ZNF687: variants seen among roughly 807,000 people sequenced by gnomAD.
The protein encoded by ZNF687 is zinc finger protein 687.
In ZNF687, 13 loss-of-function variants were observed where a neutral mutation model predicts 71.8. That is an observed-to-expected ratio of 0.18 (90% CI 0.12 to 0.29). The LOEUF (loss-of-function observed/expected upper bound fraction) is 0.29. Ranked by LOEUF, ZNF687 falls within the 10% of genes least tolerant of loss-of-function variation. ZNF687 has a pLI of 1.00. For missense variants in ZNF687, 1,412 were observed against 1,625.6 expected (o/e 0.87, Z 2.26); for synonymous variants, 673 against 641.6 (o/e 1.05, Z -0.74).
Position 151,288,261 on chromosome 1 carries a change from T to C in ZNF687, c.1970T>C (p.Leu657Pro). Reference sequence around the variant, plus strand: ...GCTGCTGAGGCCCCTGTCCTGCCGCTCTCCACAGAGCCGCCTGCTGCCCCG... The same window carrying C: ...GCTGCTGAGGCCCCTGTCCTGCCGCCCTCCACAGAGCCGCCTGCTGCCCCG... ...TVAAEAPVLP[L>P]STEPPAAPAT... Residue 657 changes from leucine to proline, a missense_variant, in exon 2 of 9, where the codon CTC becomes CCC. Coordinates refer to ENST00000336715, the MANE Select transcript of ZNF687 (RefSeq NM_020832.3). 1 of 1,613,494 alleles carries C rather than the reference T, an allele frequency of 6.2e-7. No homozygotes were observed. The highest frequency in any genetic ancestry group is 1.3e-5 in the African/African-American group (1 of 74,964).
At position 151,289,852 on chromosome 1, in the gene ZNF687, C is replaced by G. The variant is rs760983543; in HGVS notation, c.2809C>G (p.Pro937Ala). Residue 937 changes from proline (P) to alanine (A), a missense_variant, in exon 6 of 9, where the codon CCC becomes GCC. By Grantham distance (27) the Pro-to-Ala change is conservative. Coordinates refer to ENST00000336715, the MANE Select transcript of ZNF687 (RefSeq NM_020832.3). ...EEEEVPSSPEPPRPAKRPRRE... is the reference protein window; with the variant it reads ...EEEEVPSSPEAPRPAKRPRRE... ...GGAGGAAGTACCCAGCTCCCCTGAG[C>G]CCCCCCGTCCAGCCAAACGGCCTCG... The G allele has an allele frequency of 6.4e-7, 1 of 1,567,740 alleles. No homozygotes were observed. Among genetic ancestry groups the G allele is most frequent in the South Asian group, 1.2e-5 (1 of 85,908 alleles).
In ZNF687 at chr1:151,287,270, C is replaced by T. The variant is rs777295146; in HGVS notation, c.979C>T (p.Pro327Ser). The change falls in exon 2 of 9, where the codon CCT (proline) becomes TCT (serine). Residue 327 changes from proline (P) to serine (S), a missense_variant. By Grantham distance (74) the Pro-to-Ser change is moderately conservative. This residue lies in a region of ZNF687 where 490 missense variants were observed against 489.9 expected (regional missense o/e 1.00). Coordinates refer to ENST00000336715, the MANE Select transcript of ZNF687 (RefSeq NM_020832.3). This position sits in a 1 kb window ranked among gnomAD's most constrained non-coding sequence, Gnocchi z 5.0. The part of the protein sequence containing the change: ...NDSPASSSSR[P>S]LKVRIKTIKT... ...CTCCCCTGCCTCCAGCTCCTCTAGG[C>T]CTCTTAAGGTGCGGATCAAGACCAT... 18 of 1,614,080 alleles carry T rather than the reference C, an allele frequency of 1.1e-5. No individual in the cohort carries two copies. The highest frequency in any genetic ancestry group is 1.4e-5 in the Non-Finnish European group (17 of 1,180,058).
Position 151,291,155 on chromosome 1 carries a change from C to T in ZNF687, c.3660C>T (p.Arg1220=), listed in dbSNP as rs150008709. ...CTCTAAACCTCAAGACCCACTTCCG[C>T]ACGCATGGCATGGCGTTCATCAGGG... ...DSPLNLKTHF[R]THGMAFIRAR... The change falls in exon 9 of 9, where the codon CGC becomes CGT. Residue 1220 remains arginine, a synonymous_variant. Transcript: ENST00000336715. The T allele has an allele frequency of 8.7e-6, 14 of 1,612,956 alleles. No homozygotes were observed. Among genetic ancestry groups the T allele is most frequent in the African/African-American group, 5.3e-5 (4 of 74,910 alleles).
chr1:151,286,042 C>T (rs1283588312), intron 1 of ZNF687: 2 of 359,082 alleles, frequency 5.6e-6, no homozygotes, highest in Non-Finnish European at 1.0e-5. Context: ...CTCTCTTTTC[C>T]CCTGCTTTCT....
chr1:151,286,977 A>G lies in ZNF687; in HGVS notation c.686A>G (p.His229Arg). ...TTGAAGCAGGAGAGCTGCAGCCCCC[A>G]TCATCCCCAGGTCCTAGCCCAACAA... Reference protein sequence around the residue: ...GALKQESCSPHHPQVLAQQGS... With the variant: ...GALKQESCSPRHPQVLAQQGS... Residue 229 changes from histidine (H) to arginine (R), a missense_variant, in exon 2 of 9, where the codon CAT becomes CGT. His to Arg is a conservative substitution (Grantham distance 29). Transcript: ENST00000336715. The G allele has an allele frequency of 1.2e-6, 2 of 1,605,276 alleles. No homozygotes were observed. The highest frequency in any genetic ancestry group is 1.1e-5 in the South Asian group (1 of 90,080).
chr1:151,289,206 G>C lies in ZNF687; in HGVS notation c.2406G>C (p.Lys802Asn). The stretch of plus-strand genomic sequence containing the variant: ...GCCCCATCTGCCCCATGGCCTTCAA[G>C]TCTGGGCCAAGTGCCCATGCCCACC... ...HKCPICPMAF[K>N]SGPSAHAHLY... The change falls in exon 4 of 9, where the codon AAG (lysine) becomes AAC (asparagine). Residue 802 changes from lysine (K) to asparagine (N), a missense_variant. Physicochemically the swap from Lys to Asn is moderately conservative, Grantham distance 94 (BLOSUM62 0). This residue lies in a region of ZNF687 where 106 missense variants were observed against 146.0 expected (regional missense o/e 0.73). Coordinates refer to ENST00000336715, the MANE Select transcript of ZNF687 (RefSeq NM_020832.3). 2 of 1,614,160 alleles carry C rather than the reference G, an allele frequency of 1.2e-6. No homozygotes were observed. Among genetic ancestry groups the C allele is most frequent in the Non-Finnish European group, 1.7e-6 (2 of 1,180,042 alleles).
rs1012754380 is a variant in ZNF687, at chr1:151,291,514, G to A, written c.*305G>A. On this transcript the variant is annotated 3_prime_UTR_variant, in exon 9 of 9. Transcript: ENST00000336715. Reference sequence around the variant, plus strand: ...CTGGGGGTGGGAGGATGGGACTTAGGTATGCCTGCTAGACAGGTTCAGGGA... The same window carrying A: ...CTGGGGGTGGGAGGATGGGACTTAGATATGCCTGCTAGACAGGTTCAGGGA... 2 of 338,408 alleles carry A rather than the reference G, an allele frequency of 5.9e-6. No homozygotes were observed. Among genetic ancestry groups the A allele is most frequent in the East Asian group, 1.3e-4 (2 of 14,856 alleles). 21.0% of individuals were successfully genotyped at this position (338,408 alleles called of 1,614,324 possible). A position where few individuals can be genotyped will look rare whatever the true frequency, so the allele number is the denominator to read the frequency against.
rs889024150 is a variant in ZNF687, at chr1:151,292,068, C to CCGTT, written c.*861_*864dup. On this transcript the variant is annotated 3_prime_UTR_variant, in exon 9 of 9. Transcript: ENST00000336715. Reference sequence around the variant, plus strand: ...TTTTGTATCTTGGACACTGAGGCATCCGTTCATACCTCATCACCCATCTCC... The same window carrying CCGTT: ...TTTTGTATCTTGGACACTGAGGCATCCGTTCGTTCATACCTCATCACCCATCTCC... The CCGTT allele has an allele frequency of 4.6e-5, 7 of 152,178 alleles. No homozygotes were observed. Among genetic ancestry groups the CCGTT allele is most frequent in the African/African-American group, 1.7e-4 (7 of 41,418 alleles). The allele number at this position is 152,178 out of a possible 1,614,324, so 9.4% of individuals were successfully genotyped here. A position where few individuals can be genotyped will look rare whatever the true frequency, so the allele number is the denominator to read the frequency against.
Position 151,288,618 on chromosome 1 carries a change from C to A in ZNF687, c.2206C>A (p.Pro736Thr). 1 of 1,614,146 alleles carries A rather than the reference C, an allele frequency of 6.2e-7. No homozygotes were observed. The highest frequency in any genetic ancestry group is 8.5e-7 in the Non-Finnish European group (1 of 1,180,014). The change falls in exon 3 of 9, where the codon CCT becomes ACT. Residue 736 changes from proline (P) to threonine (T), a missense_variant. Around this residue, in one of 8 missense-constraint regions of ZNF687, gnomAD observed 207 missense variants for 239.2 expected, o/e 0.87. Transcript: ENST00000336715. ...TAAGAATCGACCCCCCCATGTCTGTCCTGAGTGTGGGGGCAACTTCCTGCA... is the reference window on the plus strand; with the variant it reads ...TAAGAATCGACCCCCCCATGTCTGTACTGAGTGTGGGGGCAACTTCCTGCA... ...MHKNRPPHVC[P>T]ECGGNFLQAN...
chr1:151,286,206 T>A lies in ZNF687; in HGVS notation c.-17-69T>A, dbSNP rs908814426. On this transcript the variant is annotated intron_variant, in intron 1 of 8. Transcript: ENST00000336715. The stretch of plus-strand genomic sequence containing the variant: ...TGAGAGAGGATAAATATGGAGATGC[T>A]GAGGGAAGAGCTCCAGGATCTCTCT... 7 of 1,325,252 alleles carry A rather than the reference T, an allele frequency of 5.3e-6. No homozygotes were observed. The Admixed American group carries it at 9.4e-5, about 18-fold the overall frequency. The allele number at this position is 1,325,252 out of a possible 1,614,324, so 82.1% of individuals were successfully genotyped here. A position where few individuals can be genotyped will look rare whatever the true frequency, so the allele number is the denominator to read the frequency against.
Position 151,284,268 on chromosome 1 carries a change from A to T in ZNF687, c.-18+1873A>T. The T allele has an allele frequency of 8.1e-6, 8 of 985,194 alleles. No homozygotes were observed. In the South Asian group the frequency reaches 3.8e-4, roughly 46 times the overall value. 61.0% of individuals were successfully genotyped at this position (985,194 alleles called of 1,614,324 possible). A position where few individuals can be genotyped will look rare whatever the true frequency, so the allele number is the denominator to read the frequency against. ...TGGCAGCTGTGCTGGAGAAATGTGT[A>T]TGTATCTTGGGAGTTTTAGCCTCGG... On this transcript the variant is annotated intron_variant, in intron 1 of 8. Coordinates refer to ENST00000336715, the MANE Select transcript of ZNF687 (RefSeq NM_020832.3).
chr1:151,290,265 C>A (rs1694163556), intron 7 of ZNF687, 31 bp downstream of exon 7: 7 of 1,611,504 alleles, frequency 4.3e-6, no homozygotes, highest in Non-Finnish European at 5.9e-6. Flanking sequence ...CCTCTTCCTG[C>A]CCAGCACGTG....
In ZNF687 at chr1:151,286,537, C is replaced by T; in HGVS notation, c.246C>T (p.Val82=). The change falls in exon 2 of 9, where the codon GTC becomes GTT. Residue 82 remains valine, a synonymous_variant. Transcript: ENST00000336715. The part of the protein sequence containing the change: ...HGLPPPDISV[V]SVIVKNTVCP... ...TGCCACCGCCAGACATTTCTGTAGTCAGTGTCATTGTCAAGAACACTGTGT... is the reference window on the plus strand; with the variant it reads ...TGCCACCGCCAGACATTTCTGTAGTTAGTGTCATTGTCAAGAACACTGTGT... 6.2e-7 allele frequency: 1 copy of T among 1,614,208 alleles called. No homozygotes were observed. The highest frequency in any genetic ancestry group is 8.5e-7 in the Non-Finnish European group (1 of 1,180,044).
rs1694234640 is a variant in ZNF687, at chr1:151,291,227, T to G, written c.*18T>G. 6.3e-7 allele frequency: 1 copy of G among 1,580,842 alleles called. No individual in the cohort carries two copies. ...ACAACTAGTCTCCAAGGCCTGGGAC[T>G]GACCAGCCCCTTCCTCTTGGAGCCT... On this transcript the variant is annotated 3_prime_UTR_variant, in exon 9 of 9. Transcript: ENST00000336715.
chr1:151,282,250 G>A, upstream of ZNF687: 9 of 1,014,298 alleles, frequency 8.9e-6, no homozygotes, highest in Non-Finnish European at 9.5e-6. Flanking sequence ...GCCCAGACCT[G>A]GAGCGCGGAG....
chr1:151,281,684 A>G (rs1406350251), upstream of ZNF687: 3 of 450,814 alleles, frequency 6.7e-6, no homozygotes, highest in Non-Finnish European at 1.4e-5. Context: ...GGCGATTTAG[A>G]CGGTGGGAAG....
Position 151,290,725 on chromosome 1 carries a change from G to A in ZNF687, c.3230G>A (p.Arg1077Gln), listed in dbSNP as rs1340071626. Residue 1077 changes from arginine (R) to glutamine (Q), a missense_variant, in exon 9 of 9, where the codon CGG becomes CAG. This residue lies in a region of ZNF687 where 284 missense variants were observed against 359.2 expected (regional missense o/e 0.79). Coordinates refer to ENST00000336715, the MANE Select transcript of ZNF687 (RefSeq NM_020832.3). The stretch of plus-strand genomic sequence containing the variant: ...TCCACTTTTCTTCAGGGGCCAGGTC[G>A]GAAACGCCGCCAGTCTTCTGACTCT... Reference protein sequence around the residue: ...GSSARAQGPGRKRRQSSDSCS... With the variant: ...GSSARAQGPGQKRRQSSDSCS... 4.4e-6 allele frequency: 7 copies of A among 1,602,356 alleles called. No individual in the cohort carries two copies. The African/African-American group carries it at 5.4e-5, about 12-fold the overall frequency.
Position 151,286,784 on chromosome 1 carries a change from C to T in ZNF687, c.493C>T (p.His165Tyr), listed in dbSNP as rs1450829639. 1 of 1,614,216 alleles carries T rather than the reference C, an allele frequency of 6.2e-7. No individual in the cohort carries two copies. Among genetic ancestry groups the T allele is most frequent in the Non-Finnish European group, 8.5e-7 (1 of 1,180,036 alleles). Residue 165 changes from histidine (H) to tyrosine (Y), a missense_variant, in exon 2 of 9, where the codon CAT becomes TAT. Coordinates refer to ENST00000336715, the MANE Select transcript of ZNF687 (RefSeq NM_020832.3). ...EGKTPLDLFA[H>Y]FGPEPGDHSD... ...CAAAACTCCCTTGGACCTGTTTGCTCATTTTGGCCCTGAGCCAGGGGACCA... is the reference window on the plus strand; with the variant it reads ...CAAAACTCCCTTGGACCTGTTTGCTTATTTTGGCCCTGAGCCAGGGGACCA...
rs373066850 is a variant in ZNF687, at chr1:151,286,952, T to C, written c.661T>C (p.Leu221=). 1.2e-4 allele frequency: 191 copies of C among 1,610,742 alleles called. 1 individual carries two copies. The highest frequency in any genetic ancestry group is 1.5e-4 in the Non-Finnish European group (181 of 1,178,020). The change falls in exon 2 of 9, where the codon TTG becomes CTG. Residue 221 remains leucine, a synonymous_variant. Transcript: ENST00000336715. ...PPVSSPPLGA[L]KQESCSPHHP... is the part of the protein sequence containing the mutation. ...TGTTTCTTCCCCACCATTGGGGGCCTTGAAGCAGGAGAGCTGCAGCCCCCA... is the reference window on the plus strand; with the variant it reads ...TGTTTCTTCCCCACCATTGGGGGCCCTGAAGCAGGAGAGCTGCAGCCCCCA...
Sources: gnomAD v4.1 joint callset for allele counts on GRCh38, gnomAD v4.1.1 for gene constraint, gnomAD v4.1.1 regional missense constraint, Gnocchi (gnomAD v3.1) non-coding constraint, MANE v1.5 for transcripts, NCBI Gene and HGNC (gene_info 2026-07-23, HGNC 2026-07-21) for gene names.